MYOM1: variants seen among roughly 807,000 people sequenced by gnomAD.
MYOM1 encodes myomesin-1.
MYOM1 carries 164 observed loss-of-function variants against 205.3 expected under a neutral mutation model. That is an observed-to-expected ratio of 0.80 (90% CI 0.70 to 0.91). The LOEUF (loss-of-function observed/expected upper bound fraction) is 0.91. Ranked by LOEUF, MYOM1 falls within the 40% of genes least tolerant of loss-of-function variation. MYOM1 has a pLI of 0.00. For missense variants in MYOM1, 2,011 were observed against 2,127.3 expected (o/e 0.95, Z 1.08); for synonymous variants, 772 against 789.4 (o/e 0.98, Z 0.37).
intron 31 of MYOM1, 101 bp from the exon 32 acceptor site, chr18:3,084,128 A>T: frequency 7.9e-7 from 1 of 1,266,166 alleles, no homozygotes; most frequent in South Asian, 1.3e-5. Flanking sequence ...TCTGGTTGAA[A>T]GGAAATGGAA....
chr18:3,193,086 T>C (rs1207521304), intron 3 of MYOM1, among the ~76,000 whole-genome samples: 1 of 151,628 alleles, frequency 6.6e-6, no homozygotes, highest in African/African-American at 2.4e-5. Flanking sequence ...CTGGGCGATA[T>C]AGTGAGACCC....
intron 6 of MYOM1, among the ~76,000 whole-genome samples, chr18:3,175,043 T>C (rs980268589): frequency 1.3e-5 from 2 of 152,216 alleles, no homozygotes; most frequent in Non-Finnish European, 2.9e-5. Context: ...TTCATTTGTG[T>C]AAATTTTTTT....
chr18:3,186,982 A>G (rs902737726), intron 5 of MYOM1, among the ~76,000 whole-genome samples: 1 of 151,582 alleles, frequency 6.6e-6, no homozygotes, highest in Non-Finnish European at 1.5e-5. Flanking sequence ...GAAAGAAGAA[A>G]GAAAAAAAGA....
chr18:3,151,186 A>G (rs940701254), intron 12 of MYOM1, among the ~76,000 whole-genome samples: 1 of 151,656 alleles, frequency 6.6e-6, no homozygotes, highest in African/African-American at 2.4e-5. Flanking sequence ...ACTCAGACAT[A>G]GATTAGATAT....
At position 3,129,256 on chromosome 18, in the gene MYOM1, G is replaced by T; in HGVS notation, c.2770C>A (p.Pro924Thr). Residue 924 changes from proline to threonine, a missense_variant, in exon 18 of 38, where the codon CCC (proline) becomes ACC (threonine). Physicochemically the swap from Pro to Thr is conservative, Grantham distance 38. Coordinates refer to ENST00000356443, the MANE Select transcript of MYOM1 (RefSeq NM_003803.4). ...CCTCTGTCTGTCTTCTTTTTCAGGG[G>T]GTCAGACTTACTTTTCCCCTGAGGA... ...AAPQGKSKSD[P>T]LKKKTDRAPP... 6.2e-7 allele frequency: 1 copy of T among 1,613,834 alleles called. No homozygotes were observed. Among genetic ancestry groups the T allele is most frequent in the Non-Finnish European group, 8.5e-7 (1 of 1,179,824 alleles).
intron 18 of MYOM1, among the ~76,000 whole-genome samples, chr18:3,128,783 A>G (rs994920995): frequency 8.5e-5 from 13 of 152,236 alleles, no homozygotes; most frequent in Admixed American, 5.2e-4. Context: ...TAATAATCTG[A>G]GGATGAGCAA....
In MYOM1 at chr18:3,077,151, T is replaced by C. The variant is rs192841982; in HGVS notation, c.4649-1390A>G. Among the ~76,000 whole-genome samples the C allele has an allele frequency of 2.0e-3, 309 of 152,122 alleles. 5 individuals carry two copies. Among genetic ancestry groups the C allele is most frequent in the Non-Finnish European group, 6.6e-4 (45 of 68,004 alleles). The stretch of plus-strand genomic sequence containing the variant: ...CCTCTGCTTCTCGAGTAGCTGGGAC[T>C]ATAGGTGTGTGCCACCACACCTAGC... On this transcript the variant is annotated intron_variant, in intron 34 of 37. Transcript: ENST00000356443.
At chr18:3,197,405 T>C (rs1367542071) in intron 2 of MYOM1, among the ~76,000 whole-genome samples, 1 of 152,084 alleles carries the variant, frequency 6.6e-6, no homozygotes, top group East Asian at 1.9e-4. Context: ...CCCAAAGTGC[T>C]GGGATCTCCA....
At chr18:3,079,445 C>A in intron 33 of MYOM1, 103 bp from the exon 34 acceptor site, 1 of 1,283,170 alleles carries the variant, frequency 7.8e-7, no homozygotes, top group South Asian at 1.7e-5. Context: ...TGTAGGCTTT[C>A]AAAAAACGAG....
At chr18:3,177,478 T>TATTATTATTATC (rs2080662355) in intron 5 of MYOM1, among the ~76,000 whole-genome samples, 1 of 129,428 alleles carries the variant, frequency 7.7e-6, no homozygotes, top group Non-Finnish European at 1.7e-5. Flanking sequence ...TTATTATTAT[T>TATTATTATTATC]ATTATTATTT....
chr18:3,075,458 C>T lies in MYOM1; in HGVS notation c.4704G>A (p.Glu1568=), dbSNP rs1249803271. The T allele has an allele frequency of 1.2e-6, 2 of 1,611,632 alleles. No individual in the cohort carries two copies. Among genetic ancestry groups the T allele is most frequent in the Non-Finnish European group, 1.7e-6 (2 of 1,178,238 alleles). The change falls in exon 36 of 38, where the codon GAG becomes GAA. Residue 1568 remains glutamate, a synonymous_variant. Coordinates refer to ENST00000356443, the MANE Select transcript of MYOM1 (RefSeq NM_003803.4). The stretch of plus-strand genomic sequence containing the variant: ...GTAAAAAAAAAGTTTACTTACTTTT[C>T]TCGGCAATGGCAGCTTGTCTGTGGT... ...FQRLKQAAIA[E]KNRARVLGGL...
chr18:3,218,315 G>C (rs2144272415), intron 1 of MYOM1, among the ~76,000 whole-genome samples: 1 of 152,264 alleles, frequency 6.6e-6, no homozygotes, highest in South Asian at 2.1e-4. Flanking sequence ...TCAAAATGAA[G>C]AATGAATCCT....
chr18:3,224,847 A>T (rs188176918), upstream of MYOM1, among the ~76,000 whole-genome samples: 4 of 151,530 alleles, frequency 2.6e-5, no homozygotes, highest in Non-Finnish European at 5.9e-5. Context: ...GTGTGTTTTT[A>T]GTAGAGACAG....
In MYOM1 at chr18:3,215,086, G is replaced by A. The variant is rs1346019883; in HGVS notation, c.138C>T (p.Tyr46=). 7 of 1,613,536 alleles carry A rather than the reference G, an allele frequency of 4.3e-6. No individual in the cohort carries two copies. The highest frequency in any genetic ancestry group is 3.3e-5 in the Admixed American group (2 of 60,002). Residue 46 remains tyrosine, a synonymous_variant, in exon 2 of 38, where the codon TAC becomes TAT. Transcript: ENST00000356443. ...SAVYTQGSTA[Y]SSRSSAAHRR... ...GGTGCGCGGCGGAGGAGCGGCTGCT[G>A]TAGGCCGTGGAGCCCTGGGTGTAGA...
At chr18:3,130,051 CTT>C (rs777671133) in intron 17 of MYOM1, among the ~76,000 whole-genome samples, 16 of 144,912 alleles carry the variant, frequency 1.1e-4, no homozygotes, top group Admixed American at 1.4e-4. Context: ...TTTCTTTCTT[CTT>C]TTTTTTTTTT....
In MYOM1 at chr18:3,152,590, A is replaced by G. The variant is rs1331645255; in HGVS notation, c.1644-697T>C. 6.6e-6 allele frequency among the ~76,000 whole-genome samples: 1 copy of G among 152,224 alleles called. No homozygotes were observed. The highest frequency in any genetic ancestry group is 1.5e-5 in the Non-Finnish European group (1 of 68,042). On this transcript the variant is annotated intron_variant, in intron 11 of 37. Coordinates refer to ENST00000356443, the MANE Select transcript of MYOM1 (RefSeq NM_003803.4). The surrounding 1 kb of genome is among the most constrained non-coding windows in gnomAD (Gnocchi z 4.3). ...TGGAGTGGGTCATTCCCAGCAGACA[A>G]ATATGACAGCTCATATCATGCTGTT...
intron 8 of MYOM1, among the ~76,000 whole-genome samples, chr18:3,170,996 A>G (rs1025274687): frequency 2.0e-5 from 3 of 152,228 alleles, no homozygotes; most frequent in African/African-American, 7.2e-5. Flanking sequence ...GTATTGGTCC[A>G]AGCATTTAAT....
chr18:3,220,541 C>CA (rs1291000567), upstream of MYOM1, among the ~76,000 whole-genome samples: 1 of 152,186 alleles, frequency 6.6e-6, no homozygotes, highest in Non-Finnish European at 1.5e-5. Context: ...AGACGCAACT[C>CA]AGTGTTTTAT....
At chr18:3,076,751 G>C (rs2079024796) in intron 34 of MYOM1, among the ~76,000 whole-genome samples, 1 of 145,660 alleles carries the variant, frequency 6.9e-6, no homozygotes, top group African/African-American at 2.6e-5. Flanking sequence ...ACGGAGTTCT[G>C]TCACCAGGCT....
Sources: gnomAD v4.1 joint callset for allele counts (sites outside exome capture counted in the v4.1 genomes callset) on GRCh38, gnomAD v4.1.1 for gene constraint, Gnocchi (gnomAD v3.1) non-coding constraint, MANE v1.5 for transcripts, NCBI Gene and HGNC (gene_info 2026-07-23, HGNC 2026-07-21) for gene names.